Variants in KIF7 observed in about 807,000 individuals in gnomAD.
KIF7 encodes kinesin family member 7.
A neutral mutation model predicts 135.7 loss-of-function variants in KIF7; 104 were observed. That is an observed-to-expected ratio of 0.77 (90% CI 0.65 to 0.90). KIF7 has a LOEUF of 0.90. Ranked by LOEUF, KIF7 falls within the 40% of genes least tolerant of loss-of-function variation. The probability of loss-of-function intolerance (pLI) is 0.00; values close to 1 mark genes in which losing one functional copy is unlikely to be tolerated. For missense variants in KIF7, 2,005 were observed against 1,839.1 expected (o/e 1.09, Z -1.65); for synonymous variants, 883 against 809.4 (o/e 1.09, Z -1.54).
intron 11 of KIF7, among the ~76,000 whole-genome samples, chr15:89,635,823 G>T (rs561993803): frequency 1.3e-5 from 2 of 152,136 alleles, no homozygotes; most frequent in South Asian, 4.2e-4. Context: ...GGAAATAACA[G>T]AGAACGCCAC....
downstream of KIF7, chr15:89,625,109 G>C (rs767189301): frequency 2.5e-6 from 4 of 1,613,916 alleles, no homozygotes; most frequent in South Asian, 4.4e-5. Flanking sequence ...GGAGAAGAGA[G>C]CTTCCTCCCT....
In KIF7 at chr15:89,633,136, C is replaced by A; in HGVS notation, c.2718+5G>T. On this transcript the variant is annotated splice_donor_5th_base_variant and intron_variant, in intron 13 of 18. Transcript: ENST00000394412. ...GCCCTGGGTGCGGACACAGCCTGGC[C>A]CCACCTGCTGCTGTTCCAGGCTGAC... is the stretch of plus-strand genomic sequence containing the variant. 3 of 1,602,298 alleles carry A rather than the reference C, an allele frequency of 1.9e-6. No homozygotes were observed. Among genetic ancestry groups the A allele is most frequent in the South Asian group, 1.1e-5 (1 of 90,958 alleles).
rs768259676 is a variant in KIF7, at chr15:89,628,977, C to A, written c.3663G>T (p.Arg1221Ser). Residue 1221 changes from arginine (R) to serine (S), a missense_variant and splice_region_variant, in exon 18 of 19, where the codon AGG (arginine) becomes AGT (serine). Coordinates refer to ENST00000394412, the MANE Select transcript of KIF7 (RefSeq NM_198525.3). ...LGGVNAVGHSRGGEKRSLCSE... is the reference protein window; with the variant it reads ...LGGVNAVGHSSGGEKRSLCSE... ...CTTCAGAGCGCGACGAGGAGTTACC[C>A]CTGCTGTGGCCTACAGCGTTCACAC... 1 of 1,613,820 alleles carries A rather than the reference C, an allele frequency of 6.2e-7. No homozygotes were observed. The highest frequency in any genetic ancestry group is 8.5e-7 in the Non-Finnish European group (1 of 1,179,964).
Position 89,619,924 on chromosome 15 carries a change from A to T in KIF7, c.181-1729T>A, listed in dbSNP as rs115739012. On this transcript the variant is annotated intron_variant and NMD_transcript_variant, in intron 1 of 2. Coordinates refer to the KIF7 transcript ENST00000558928. Reference sequence around the variant, plus strand: ...TTTGGGAAAAGAAGCAAGAAATTTGACATTTTCTTTCTTGACATTGGAGAA... The same window carrying T: ...TTTGGGAAAAGAAGCAAGAAATTTGTCATTTTCTTTCTTGACATTGGAGAA... 1,204 of 1,501,846 alleles carry T rather than the reference A, an allele frequency of 8.0e-4. 7 individuals are homozygous for T. In the African/African-American group the frequency reaches 0.016, roughly 19 times the overall value. 93.0% of individuals were successfully genotyped at this position (1,501,846 alleles called of 1,614,324 possible).
intron 18 of KIF7, 35 bp from the exon 19 acceptor site, chr15:89,628,821 A>G (rs1963597325): frequency 6.2e-7 from 1 of 1,611,934 alleles, no homozygotes; most frequent in South Asian, 1.1e-5. Context: ...CATCAGAAAC[A>G]GGTGGCAACA....
chr15:89,646,178 C>G, intron 7 of KIF7, 152 bp from the exon 8 acceptor site: 1 of 1,015,660 alleles, frequency 9.8e-7, no homozygotes, highest in South Asian at 1.4e-5. Context: ...GAATCTCAAG[C>G]TGGGGTGAGA....
At chr15:89,653,065 G>A in intron 1 of KIF7, 111 bp from the exon 2 acceptor site, 1 of 870,270 alleles carries the variant, frequency 1.1e-6, no homozygotes, top group African/African-American at 1.7e-5. Flanking sequence ...GGAGGGATTG[G>A]GGGAGGGTGG....
At chr15:89,635,099 G>A (rs374237716) in intron 11 of KIF7, among the ~76,000 whole-genome samples, 2 of 151,742 alleles carry the variant, frequency 1.3e-5, no homozygotes, top group African/African-American at 4.9e-5. Context: ...TACTCCAACA[G>A]ACCTGCAGCT....
chr15:89,655,871 T>C (rs1596082629), upstream of KIF7, among the ~76,000 whole-genome samples: 1 of 152,268 alleles, frequency 6.6e-6, no homozygotes, highest in African/African-American at 2.4e-5. Flanking sequence ...ATTCCTAAAA[T>C]TGAGTTCCAT....
chr15:89,650,399 CT>C (rs879471313), intron 2 of KIF7, among the ~76,000 whole-genome samples: 22 of 148,498 alleles, frequency 1.5e-4, no homozygotes, highest in African/African-American at 2.7e-4. Flanking sequence ...GCCAAATCAA[CT>C]TTTTTTTTTT....
At chr15:89,640,074 C>T (rs1308187589) in intron 11 of KIF7, among the ~76,000 whole-genome samples, 1 of 150,374 alleles carries the variant, frequency 6.7e-6, no homozygotes, top group Non-Finnish European at 1.5e-5. Flanking sequence ...TTCTCACTCA[C>T]AGGTGGGGGT....
At chr15:89,641,183 T>C (rs1039545649) in intron 11 of KIF7, among the ~76,000 whole-genome samples, 6 of 151,972 alleles carry the variant, frequency 3.9e-5, no homozygotes, top group African/African-American at 1.5e-4. Flanking sequence ...TAATCCAGTA[T>C]GACCAGGGTC....
At chr15:89,631,782 A>C (rs1963684680) in intron 14 of KIF7, 72 bp from the exon 15 acceptor site, 6 of 1,337,828 alleles carry the variant, frequency 4.5e-6, no homozygotes, top group Non-Finnish European at 6.1e-6. Flanking sequence ...AAAGGGCCGG[A>C]TGTTAAGGAG....
chr15:89,630,555 A>C, intron 15 of KIF7, 62 bp from the exon 16 acceptor site: 2 of 1,394,068 alleles, frequency 1.4e-6, no homozygotes, highest in Non-Finnish European at 2.0e-6. Flanking sequence ...AGTCCTGGGC[A>C]GACATGCAAC....
intron 11 of KIF7, among the ~76,000 whole-genome samples, chr15:89,641,888 C>T (rs556626856): frequency 1.4e-4 from 22 of 152,166 alleles, no homozygotes; most frequent in Non-Finnish European, 2.5e-4. Flanking sequence ...GAGGGGTAAG[C>T]GAATGGAGAG....
rs542355463 is a variant in KIF7 at position 89,654,545 on chromosome 15, C to T, written c.-25+854G>A. On this transcript the variant is annotated intron_variant, in intron 1 of 18. Coordinates refer to ENST00000394412, the MANE Select transcript of KIF7 (RefSeq NM_198525.3). ...TAACCCCACCACGACACGCACACAA[C>T]CCCCAGTGCTGTTCCACCCGCCCGT... is the stretch of plus-strand genomic sequence containing the variant. Among the ~76,000 whole-genome samples the T allele has an allele frequency of 3.9e-5, 6 of 152,222 alleles. No individual in the cohort carries two copies. The South Asian group carries it at 1.2e-3, about 32-fold the overall frequency.
Position 89,642,253 on chromosome 15 carries a change from G to A in KIF7, c.2344C>T (p.Arg782Trp), listed in dbSNP as rs780592854. The A allele has an allele frequency of 3.7e-6, 6 of 1,610,158 alleles. No individual in the cohort carries two copies. Among genetic ancestry groups the A allele is most frequent in the African/African-American group, 1.3e-5 (1 of 74,864 alleles). Residue 782 changes from arginine to tryptophan, a missense_variant, in exon 11 of 19, where the codon CGG becomes TGG. Arg to Trp is a moderately radical substitution (Grantham distance 101, BLOSUM62 -3). Transcript: ENST00000394412. ...KELQDAGERS[R>W]LQEFRRRVAA... Reference sequence around the variant, plus strand: ...ACCCTCCTGCGGAACTCCTGGAGCCGAGACCGCTCGCCAGCATCCTGGAGC... The same window carrying A: ...ACCCTCCTGCGGAACTCCTGGAGCCAAGACCGCTCGCCAGCATCCTGGAGC...
chr15:89,635,701 C>T (rs4932239), intron 11 of KIF7, among the ~76,000 whole-genome samples: 137,445 of 152,104 alleles, frequency 0.9, 62,408 homozygotes, highest in African/African-American at 0.96. Flanking sequence ...CTACATTTGA[C>T]TGGTGTACCT....
At chr15:89,655,123 G>C (rs1008960590) in intron 1 of KIF7, among the ~76,000 whole-genome samples, 6 of 152,192 alleles carry the variant, frequency 3.9e-5, no homozygotes, top group African/African-American at 1.4e-4. Flanking sequence ...ATTACAAATC[G>C]GGACCCGACT....
Sources: gnomAD v4.1 joint callset for allele counts (sites outside exome capture counted in the v4.1 genomes callset) on GRCh38, gnomAD v4.1.1 for gene constraint, MANE v1.5 for transcripts, NCBI Gene and HGNC (gene_info 2026-07-23, HGNC 2026-07-21) for gene names.